The following AKAP6 variants were observed in gnomAD, a reference collection of about 807,000 sequenced individuals.
AKAP6 encodes the protein A-kinase anchor protein 6.
A neutral mutation model predicts 188.5 loss-of-function variants in AKAP6; 58 were observed. The observed-to-expected ratio is 0.31, with a 90% CI of 0.25 to 0.38. The LOEUF is 0.38. Among genes scored for constraint, AKAP6 ranks in the 10% least tolerant of loss-of-function variants. The probability of loss-of-function intolerance (pLI) is 1.00; values close to 1 mark genes in which losing one functional copy is unlikely to be tolerated. For synonymous variants in AKAP6, 989 were observed against 998.6 expected (o/e 0.99, Z 0.18); for missense variants, 2,710 against 2,740.0 (o/e 0.99, Z 0.24).
intron 7 of AKAP6, among the ~76,000 whole-genome samples, chr14:32,633,967 C>T (rs577918388): frequency 1.3e-5 from 2 of 152,170 alleles, no homozygotes; most frequent in East Asian, 3.9e-4. Context: ...TGTCTATTTC[C>T]AAGGCAAGCC....
intron 5 of AKAP6, among the ~76,000 whole-genome samples, chr14:32,581,407 C>T (rs969961052): frequency 6.6e-6 from 1 of 152,130 alleles, no homozygotes; most frequent in Non-Finnish European, 1.5e-5. Context: ...GAGAGCTTTA[C>T]TTCCAACTAT....
In AKAP6 at chr14:32,823,247, T is replaced by C; in HGVS notation, c.5434T>C (p.Leu1812=). ...GACCTGGATTAGGCCAAAATTGTCT[T>C]TGACAAGAGATAAGAAAAGGTGCAA... is the stretch of plus-strand genomic sequence containing the variant. The part of the protein sequence containing the change: ...LQTWIRPKLS[L]TRDKKRCNVS... Residue 1812 remains leucine (L), a synonymous_variant, in exon 13 of 14, where the codon TTG becomes CTG. Coordinates refer to ENST00000280979, the MANE Select transcript of AKAP6 (RefSeq NM_004274.5). The C allele has an allele frequency of 1.2e-6, 2 of 1,613,706 alleles. No homozygotes were observed. The highest frequency in any genetic ancestry group is 2.2e-5 in the East Asian group (1 of 44,864).
chr14:32,755,713 A>C (rs1007536769), intron 11 of AKAP6, among the ~76,000 whole-genome samples: 1 of 152,054 alleles, frequency 6.6e-6, no homozygotes, highest in Non-Finnish European at 1.5e-5. Context: ...TTTTTTGTAC[A>C]GACAAGGTTT....
chr14:32,399,111 C>T (rs1370952628), intron 1 of AKAP6, among the ~76,000 whole-genome samples: 1 of 152,056 alleles, frequency 6.6e-6, no homozygotes, highest in Non-Finnish European at 1.5e-5. Context: ...GCCTTGGCCT[C>T]CCAAAGTGCT....
intron 9 of AKAP6, among the ~76,000 whole-genome samples, chr14:32,698,601 C>A (rs896391284): frequency 6.6e-6 from 1 of 152,078 alleles, no homozygotes; most frequent in African/African-American, 2.4e-5. Context: ...ATGTTCCCCA[C>A]TCATTGTGAC....
At chr14:32,786,298 C>CTTTTT (rs1162974012) in intron 12 of AKAP6, among the ~76,000 whole-genome samples, 1,013 of 82,524 alleles carry the variant, frequency 0.012, 128 homozygotes, top group Middle Eastern at 0.029. Context: ...AAACCTTTAT[C>CTTTTT]TTTTTTTTTT....
intron 7 of AKAP6, among the ~76,000 whole-genome samples, chr14:32,663,935 G>A (rs1229516720): frequency 6.6e-6 from 1 of 152,050 alleles, no homozygotes; most frequent in Non-Finnish European, 1.5e-5. Context: ...GTTGAAATGT[G>A]TCTGCTTTGG....
At chr14:32,683,151 G>GT (rs1889764307) in intron 8 of AKAP6, among the ~76,000 whole-genome samples, 1 of 151,954 alleles carries the variant, frequency 6.6e-6, no homozygotes, top group South Asian at 2.1e-4. Context: ...ACACCACCAT[G>GT]CCTGGCTAAT....
chr14:32,680,269 C>T (rs1285332952), intron 8 of AKAP6, among the ~76,000 whole-genome samples: 1 of 152,120 alleles, frequency 6.6e-6, no homozygotes, highest in Non-Finnish European at 1.5e-5. Flanking sequence ...ATACTAAGGA[C>T]AAAAACCATA....
chr14:32,548,529 AATAGATAGATAGATAGATAGATAG>A (rs71115083), intron 4 of AKAP6, among the ~76,000 whole-genome samples: 65 of 142,590 alleles, frequency 4.6e-4, no homozygotes, highest in Admixed American at 1.8e-3. Context: ...CTCAAGCTAA[AATAGATAGATAGATAGATAGATAG>A]ATAGATAGAT....
At chr14:32,343,165 G>C (rs1051296784) in intron 1 of AKAP6, among the ~76,000 whole-genome samples, 1 of 152,128 alleles carries the variant, frequency 6.6e-6, no homozygotes, top group Non-Finnish European at 1.5e-5. Context: ...CACTAGCTCT[G>C]TGCCCAGGGA....
intron 1 of AKAP6, among the ~76,000 whole-genome samples, chr14:32,413,808 A>C (rs899950476): frequency 3.3e-5 from 5 of 152,052 alleles, no homozygotes; most frequent in African/African-American, 1.2e-4. Flanking sequence ...TATCACAGGC[A>C]GGAGGGAGGA....
At chr14:32,740,784 T>C (rs1428923865) in intron 11 of AKAP6, among the ~76,000 whole-genome samples, 1 of 152,000 alleles carries the variant, frequency 6.6e-6, no homozygotes, top group East Asian at 1.9e-4. Context: ...AATTCTGTAG[T>C]ATACTTTGAA....
intron 7 of AKAP6, among the ~76,000 whole-genome samples, chr14:32,643,500 G>T (rs552682125): frequency 6.6e-6 from 1 of 152,044 alleles, no homozygotes; most frequent in East Asian, 1.9e-4. Flanking sequence ...TAGAGACGGG[G>T]TTTCACCATG....
At chr14:32,446,515 A>G (rs1957019) in intron 2 of AKAP6, among the ~76,000 whole-genome samples, 1 of 151,822 alleles carries the variant, frequency 6.6e-6, no homozygotes, top group Non-Finnish European at 1.5e-5. Flanking sequence ...TCAAAAAAAA[A>G]TTTATTTTTA....
At chr14:32,779,715 T>C (rs1220956644) in intron 12 of AKAP6, among the ~76,000 whole-genome samples, 1 of 152,166 alleles carries the variant, frequency 6.6e-6, no homozygotes, top group Non-Finnish European at 1.5e-5. Flanking sequence ...ACAGACCATT[T>C]TGGGCAGAGA....
rs1181919265 is a variant in AKAP6 at position 32,364,910 on chromosome 14, G to A, written c.-35+35502G>A. The stretch of plus-strand genomic sequence containing the variant: ...CTGGAATCAGGCATGTAATTTATAA[G>A]AAAAGAGTTAAGGACGAAATTATAG... On this transcript the variant is annotated intron_variant, in intron 1 of 13. Coordinates refer to ENST00000280979, the MANE Select transcript of AKAP6 (RefSeq NM_004274.5). 2.0e-5 allele frequency among the ~76,000 whole-genome samples: 3 copies of A among 152,146 alleles called. No homozygotes were observed. The South Asian group carries it at 6.2e-4, about 32-fold the overall frequency.
At chr14:32,741,831 T>TG (rs1445618823) in intron 11 of AKAP6, among the ~76,000 whole-genome samples, 1 of 147,352 alleles carries the variant, frequency 6.8e-6, no homozygotes, top group Non-Finnish European at 1.5e-5. Context: ...TTTTTTTTTT[T>TG]TTTTTTTTTT....
At chr14:32,803,293 A>C (rs548432709) in intron 12 of AKAP6, among the ~76,000 whole-genome samples, 85 of 75,004 alleles carry the variant, frequency 1.1e-3, no homozygotes, top group South Asian at 7.0e-3. Context: ...AAAAAAAAAC[A>C]AAACAAATAT....
Sources: gnomAD v4.1 joint callset for allele counts (sites outside exome capture counted in the v4.1 genomes callset) on GRCh38, gnomAD v4.1.1 for gene constraint, MANE v1.5 for transcripts, NCBI Gene and HGNC (gene_info 2026-07-23, HGNC 2026-07-21) for gene names.